The following NARS2 variants were observed in gnomAD, a reference collection of about 807,000 sequenced individuals.
NARS2 encodes asparaginyl-tRNA synthetase.
NARS2 carries 60 observed loss-of-function variants against 62.9 expected under a neutral mutation model. The ratio of observed to expected loss-of-function variants is 0.95; its 90% CI spans 0.77 to 1.18. NARS2 has a LOEUF of 1.18. Among genes scored for constraint, NARS2 ranks in the 50% most tolerant of loss-of-function variants. NARS2 has a pLI of 0.00. For missense variants in NARS2, 619 were observed against 576.4 expected, an observed-to-expected ratio of 1.07 and a Z score of -0.76; for synonymous variants, 196 against 200.0, an observed-to-expected ratio of 0.98 and a Z score of 0.17.
At chr11:78,564,307 T>G (rs1480760595) in intron 4 of NARS2, among the ~76,000 whole-genome samples, 1 of 152,170 alleles carries the variant, frequency 6.6e-6, no homozygotes, top group Non-Finnish European at 1.5e-5. Flanking sequence ...GTGATCCTCC[T>G]GCCTCAGCTT....
chr11:78,501,485 T>C (rs1033610097), intron 6 of NARS2, among the ~76,000 whole-genome samples: 1 of 152,168 alleles, frequency 6.6e-6, no homozygotes, highest in African/African-American at 2.4e-5. Context: ...TGGCAATGGT[T>C]CTTAATGAAG....
intron 10 of NARS2, 140 bp from the exon 11 acceptor site, chr11:78,466,153 C>T (rs765066308): frequency 7.8e-5 from 63 of 806,876 alleles, no homozygotes; most frequent in Non-Finnish European, 1.1e-4. Context: ...TAAGGTTACA[C>T]AGCTGACTAA....
At chr11:78,516,310 TTC>T (rs1299501589) in intron 6 of NARS2, among the ~76,000 whole-genome samples, 1 of 152,210 alleles carries the variant, frequency 6.6e-6, no homozygotes, top group Admixed American at 6.5e-5. Context: ...TTAACTGGAT[TTC>T]TGTTTGTCCA....
intron 5 of NARS2, chr11:78,546,757 T>G (rs1026565771): frequency 1.3e-5 from 2 of 152,162 alleles, no homozygotes; most frequent in African/African-American, 2.4e-5. Flanking sequence ...CTGGATAATT[T>G]TGGAAGTAGA....
chr11:78,557,838 T>TC (rs1565282944), intron 5 of NARS2, among the ~76,000 whole-genome samples: 31 of 136,920 alleles, frequency 2.3e-4, no homozygotes, highest in African/African-American at 1.0e-3. Flanking sequence ...ATATCTCTCT[T>TC]ATATTTTATA....
In NARS2 at chr11:78,559,301, C is replaced by CAAA. The variant is rs10627726; in HGVS notation, c.594+235_594+237dup. Among the ~76,000 whole-genome samples, 37,202 of 58,422 alleles carry CAAA rather than the reference C, an allele frequency of 0.64. 15,369 individuals carry two copies. The highest frequency in any genetic ancestry group is 0.76 in the Non-Finnish European group (27,833 of 36,704). 38.3% of individuals were successfully genotyped at this position (58,422 alleles called of 152,430 possible). On this transcript the variant is annotated intron_variant, in intron 5 of 13. Transcript: ENST00000281038. ...CTGGCCACAGAGTGAGACTCCATCT[C>CAAA]AAAAAAAAAAAAAAAAAAAAAAAAA...
chr11:78,517,492 G>C (rs1860957389), intron 6 of NARS2, among the ~76,000 whole-genome samples: 1 of 152,080 alleles, frequency 6.6e-6, no homozygotes, highest in South Asian at 2.1e-4. Flanking sequence ...TTTTACTTTA[G>C]TATTTCCACT....
intron 2 of NARS2, 37 bp from the exon 3 acceptor site, chr11:78,568,789 T>C (rs753030220): frequency 3.4e-6 from 5 of 1,484,448 alleles, no homozygotes; most frequent in Non-Finnish European, 1.8e-6. Context: ...AAGATATCAT[T>C]ATATACAACC....
chr11:78,471,854 G>A (rs892637785), intron 9 of NARS2, among the ~76,000 whole-genome samples: 2 of 152,018 alleles, frequency 1.3e-5, no homozygotes, highest in African/African-American at 4.8e-5. Flanking sequence ...TCCCTACAAA[G>A]GACATGAACT....
chr11:78,566,332 GT>G, intron 3 of NARS2, 60 bp from the exon 4 acceptor site: 1 of 1,389,570 alleles, frequency 7.2e-7, no homozygotes, highest in Non-Finnish European at 9.7e-7. Flanking sequence ...AATAAAATCA[GT>G]TTCCAGGGTA....
chr11:78,531,739 AC>A (rs1371725254), intron 5 of NARS2, among the ~76,000 whole-genome samples: 1 of 152,242 alleles, frequency 6.6e-6, no homozygotes, highest in East Asian at 1.9e-4. Flanking sequence ...GTATGTTAAA[AC>A]ATAGATGAAC....
At position 78,542,104 on chromosome 11, in the gene NARS2, G is replaced by T. The variant is rs574289760; in HGVS notation, c.595-13168C>A. On this transcript the variant is annotated intron_variant, in intron 5 of 13. Transcript: ENST00000281038. ...AAAAATAATCTTTCTTAAAATAAGG[G>T]TTCATTTACATTCCAGAACACCCAC... Among the ~76,000 whole-genome samples, 238 of 152,236 alleles carry T rather than the reference G, an allele frequency of 1.6e-3. 1 individual carries two copies. Among genetic ancestry groups the T allele is most frequent in the African/African-American group, 5.4e-3 (224 of 41,532 alleles).
chr11:78,465,244 G>A (rs188413313), intron 11 of NARS2, among the ~76,000 whole-genome samples: 186 of 152,356 alleles, frequency 1.2e-3, no homozygotes, highest in African/African-American at 4.0e-3. Flanking sequence ...GCACTGGCCC[G>A]CAAGCACCGC....
intron 7 of NARS2, among the ~76,000 whole-genome samples, chr11:78,479,704 T>A (rs1471103496): frequency 6.6e-6 from 1 of 152,208 alleles, no homozygotes; most frequent in Non-Finnish European, 1.5e-5. Flanking sequence ...AAGGTGCACA[T>A]ATGTATAAAG....
chr11:78,554,805 T>C (rs963641680), intron 5 of NARS2, among the ~76,000 whole-genome samples: 4 of 152,240 alleles, frequency 2.6e-5, no homozygotes, highest in African/African-American at 9.6e-5. Flanking sequence ...CAATACTATG[T>C]TGAAGAGAAG....
At chr11:78,554,504 TGTGC>T (rs1856261075) in intron 5 of NARS2, among the ~76,000 whole-genome samples, 2 of 131,820 alleles carry the variant, frequency 1.5e-5, no homozygotes, top group African/African-American at 6.7e-5. Context: ...CCTAGGCGTG[TGTGC>T]GTGTGTGTGT....
At chr11:78,514,268 G>A (rs753952712) in intron 6 of NARS2, among the ~76,000 whole-genome samples, 6 of 152,036 alleles carry the variant, frequency 3.9e-5, no homozygotes, top group East Asian at 1.9e-4. Context: ...GACTACAGGC[G>A]TATGCCACCT....
chr11:78,492,132 CACAT>C (rs1467695970), intron 7 of NARS2, among the ~76,000 whole-genome samples: 13 of 151,602 alleles, frequency 8.6e-5, no homozygotes, highest in African/African-American at 2.2e-4. Flanking sequence ...CACACACACA[CACAT>C]ATATAGATTT....
At chr11:78,438,580 G>A (rs1222761313) in intron 13 of NARS2, among the ~76,000 whole-genome samples, 1 of 152,122 alleles carries the variant, frequency 6.6e-6, no homozygotes, top group Non-Finnish European at 1.5e-5. Context: ...GGTTCAGTCT[G>A]TAGCATTTTT....
Sources: allele counts gnomAD v4.1 joint callset (sites outside exome capture counted in the v4.1 genomes callset), GRCh38; gene constraint gnomAD v4.1.1; transcripts MANE v1.5; gene names NCBI Gene and HGNC (gene_info 2026-07-23, HGNC 2026-07-21).